PCDHAC2: variants seen among roughly 807,000 people sequenced by gnomAD.
The protein encoded by PCDHAC2 is protocadherin alpha subfamily C, 2.
In PCDHAC2, 24 loss-of-function variants were observed where a neutral mutation model predicts 63.3. That is an observed-to-expected ratio of 0.38 (90% CI 0.27 to 0.53). PCDHAC2 has a LOEUF of 0.53. Among genes scored for constraint, PCDHAC2 ranks in the 20% least tolerant of loss-of-function variants. The pLI is 0.81. For missense variants in PCDHAC2, 1,181 were observed against 1,275.2 expected, an observed-to-expected ratio of 0.93 and a Z score of 1.12; for synonymous variants, 569 against 529.4, an observed-to-expected ratio of 1.07 and a Z score of -1.03.
rs782199698 is a variant in PCDHAC2 at position 140,967,107 on chromosome 5, G to A, written c.341G>A (p.Arg114Gln). The change falls in exon 1 of 4, where the codon CGG becomes CAG. Residue 114 changes from arginine to glutamine, a missense_variant. Coordinates refer to ENST00000289269, the MANE Select transcript of PCDHAC2 (RefSeq NM_018899.6). ...RIDREALCEQ[R>Q]PRCLLSLEVL... ...GATCGGGAGGCGCTGTGTGAGCAGC[G>A]GCCTCGCTGCCTGCTCAGCTTGGAA... The A allele has an allele frequency of 7.4e-6, 12 of 1,612,876 alleles. No individual in the cohort carries two copies. The highest frequency in any genetic ancestry group is 9.3e-6 in the Non-Finnish European group (11 of 1,179,528).
At position 140,967,164 on chromosome 5, in the gene PCDHAC2, C is replaced by G. The variant is rs762120187; in HGVS notation, c.398C>G (p.Ala133Gly). The G allele has an allele frequency of 8.7e-6, 14 of 1,611,226 alleles. No homozygotes were observed. Among genetic ancestry groups the G allele is most frequent in the Non-Finnish European group, 1.2e-5 (14 of 1,178,096 alleles). Reference sequence around the variant, plus strand: ...GCGCACAACCCCGTGGCGGTGAGCGCCGTTGAGGTGGAAATATTGGACATC... The same window carrying G: ...GCGCACAACCCCGTGGCGGTGAGCGGCGTTGAGGTGGAAATATTGGACATC... ...VLAHNPVAVS[A>G]VEVEILDIND... is the part of the protein sequence containing the mutation. Residue 133 changes from alanine (A) to glycine (G), a missense_variant, in exon 1 of 4, where the codon GCC becomes GGC. By Grantham distance (60) the Ala-to-Gly change is moderately conservative. This residue lies in a region of PCDHAC2 where 210 missense variants were observed against 184.9 expected (regional missense o/e 1.14). Transcript: ENST00000289269.
intron 3 of PCDHAC2, chr5:140,988,965 TG>T (rs1227130828): frequency 6.6e-6 from 1 of 152,162 alleles, no homozygotes; most frequent in Non-Finnish European, 1.5e-5. Context: ...AGCCCCACGA[TG>T]GAGAGAAGCA....
In PCDHAC2 at chr5:140,967,749, C is replaced by G. The variant is rs1554229896; in HGVS notation, c.983C>G (p.Ala328Gly). The G allele has an allele frequency of 6.2e-7, 1 of 1,614,172 alleles. No individual in the cohort carries two copies. The highest frequency in any genetic ancestry group is 8.5e-7 in the Non-Finnish European group (1 of 1,180,040). ...ATTGGGGGGCTGGATTATGAGGAAG[C>G]CTCCTCCTACCAGATCTATGTGCAG... The part of the protein sequence containing the change: ...RVIGGLDYEE[A>G]SSYQIYVQAT... Residue 328 changes from alanine to glycine, a missense_variant, in exon 1 of 4, where the codon GCC (alanine) becomes GGC (glycine). Around this residue, in one of 3 missense-constraint regions of PCDHAC2, gnomAD observed 968 missense variants for 1,073.5 expected, o/e 0.90. Transcript: ENST00000289269.
At chr5:140,994,248 G>A (rs188394827) in intron 3 of PCDHAC2, among the ~76,000 whole-genome samples, 1 of 152,238 alleles carries the variant, frequency 6.6e-6, no homozygotes, top group East Asian at 1.9e-4. Flanking sequence ...TCAAACCCTA[G>A]GTAAATAAGG....
rs529079699 is a variant in PCDHAC2, at chr5:140,984,687, T to C, written c.2713+2124T>C. ...TTAGGTTTTTAGGACTCAATATATGTTCTGCACTGCTTGGAGGGAATATGG... is the reference window on the plus strand; with the variant it reads ...TTAGGTTTTTAGGACTCAATATATGCTCTGCACTGCTTGGAGGGAATATGG... On this transcript the variant is annotated intron_variant, in intron 3 of 3. Transcript: ENST00000289269. Among the ~76,000 whole-genome samples the C allele has an allele frequency of 2.0e-5, 3 of 152,332 alleles. No individual in the cohort carries two copies. The East Asian group carries it at 5.8e-4, about 29-fold the overall frequency.
intron 1 of PCDHAC2, among the ~76,000 whole-genome samples, chr5:140,971,036 G>A (rs919714179): frequency 2.0e-5 from 3 of 152,204 alleles, no homozygotes; most frequent in Non-Finnish European, 2.9e-5. Context: ...TTGAAAGCAC[G>A]TAAAAGGGTT....
chr5:141,006,979 G>T (rs1236461454), intron 3 of PCDHAC2, among the ~76,000 whole-genome samples: 1 of 152,156 alleles, frequency 6.6e-6, no homozygotes, highest in Non-Finnish European at 1.5e-5. Context: ...ACAGAGAGAT[G>T]TGGGCTTAAA....
At chr5:140,998,094 GCAAA>G (rs1182835904) in intron 3 of PCDHAC2, among the ~76,000 whole-genome samples, 7 of 152,226 alleles carry the variant, frequency 4.6e-5, no homozygotes, top group African/African-American at 1.4e-4. Flanking sequence ...AAATGCTAGA[GCAAA>G]CAGAGGAGAA....
intron 3 of PCDHAC2, among the ~76,000 whole-genome samples, chr5:140,997,668 T>TTG (rs35184029): frequency 0.084 from 12,442 of 148,286 alleles, 534 homozygotes; most frequent in Admixed American, 0.1. Flanking sequence ...ATTATACAGC[T>TTG]TGTGTGTGTG....
intron 3 of PCDHAC2, among the ~76,000 whole-genome samples, chr5:141,002,289 G>A (rs1468757497): frequency 1.3e-5 from 2 of 152,204 alleles, no homozygotes; most frequent in East Asian, 3.8e-4. Flanking sequence ...GGATGAATGG[G>A]GAGCAAAGGG....
At chr5:141,006,105 G>GT (rs79904017) in intron 3 of PCDHAC2, among the ~76,000 whole-genome samples, 4,283 of 143,138 alleles carry the variant, frequency 0.03, 125 homozygotes, top group African/African-American at 0.081. Flanking sequence ...ATGGTAAGGA[G>GT]TTTTTTTTTT....
At chr5:140,987,322 T>G (rs1160600975) in intron 3 of PCDHAC2, among the ~76,000 whole-genome samples, 3 of 152,200 alleles carry the variant, frequency 2.0e-5, no homozygotes, top group Non-Finnish European at 4.4e-5. Flanking sequence ...CTGTGAAGTT[T>G]TAAGAACTGG....
At chr5:140,982,348 T>A (rs1253085859) in intron 2 of PCDHAC2, 127 bp from the exon 3 acceptor site, 1 of 1,496,080 alleles carries the variant, frequency 6.7e-7, no homozygotes, top group East Asian at 2.4e-5. Flanking sequence ...TTGCTTCAGT[T>A]CAAGCATGAG....
Position 140,982,524 on chromosome 5 carries a change from C to T in PCDHAC2, c.2674C>T (p.Pro892Ser). ...CATTCTACGGGCTGGTCCAGGAGGG[C>T]CTGATCAGCAGTGGCCAACAGTATC... ...AGILRAGPGG[P>S]DQQWPTVSSA... Residue 892 changes from proline to serine, a missense_variant, in exon 3 of 4, where the codon CCT (proline) becomes TCT (serine). This residue lies in a region of PCDHAC2 where 968 missense variants were observed against 1,073.5 expected (regional missense o/e 0.90). Transcript: ENST00000289269. The T allele has an allele frequency of 6.2e-7, 1 of 1,614,170 alleles. No homozygotes were observed. Among genetic ancestry groups the T allele is most frequent in the Non-Finnish European group, 8.5e-7 (1 of 1,180,030 alleles).
chr5:141,006,105 G>T (rs2098255059), intron 3 of PCDHAC2, among the ~76,000 whole-genome samples: 1 of 143,364 alleles, frequency 7.0e-6, no homozygotes. Context: ...ATGGTAAGGA[G>T]TTTTTTTTTT....
In PCDHAC2 at chr5:140,982,326, G is replaced by T. The variant is rs1369721700; in HGVS notation, c.2625-149G>T. 1.6e-5 allele frequency: 22 copies of T among 1,411,958 alleles called. No homozygotes were observed. In the Admixed American group the frequency reaches 3.0e-4, roughly 20 times the overall value. The allele number at this position is 1,411,958 out of a possible 1,614,324, so 87.5% of individuals were successfully genotyped here. On this transcript the variant is annotated intron_variant, in intron 2 of 3. Transcript: ENST00000289269. ...CTTCTGCAGTTTATGCAGGGTGACTGCTCAGCAGTAATTGCTTCAGTTCAA... is the reference window on the plus strand; with the variant it reads ...CTTCTGCAGTTTATGCAGGGTGACTTCTCAGCAGTAATTGCTTCAGTTCAA...
chr5:140,984,140 A>G (rs2097088641), intron 3 of PCDHAC2, among the ~76,000 whole-genome samples: 1 of 152,240 alleles, frequency 6.6e-6, no homozygotes, highest in Non-Finnish European at 1.5e-5. Context: ...ATGTGGAGGC[A>G]TCTGGGAAGG....
At chr5:140,983,642 G>A (rs954814692) in intron 3 of PCDHAC2, among the ~76,000 whole-genome samples, 3 of 152,174 alleles carry the variant, frequency 2.0e-5, no homozygotes, top group African/African-American at 7.2e-5. Flanking sequence ...CCAAGTTCAC[G>A]TAGCTTGTAA....
At chr5:140,987,722 T>C (rs2097265966) in intron 3 of PCDHAC2, among the ~76,000 whole-genome samples, 1 of 152,204 alleles carries the variant, frequency 6.6e-6, no homozygotes, top group Admixed American at 6.5e-5. Context: ...GAGTCTATCC[T>C]ACAGCTTCAA....
Sources: allele counts gnomAD v4.1 joint callset (sites outside exome capture counted in the v4.1 genomes callset), GRCh38; gene constraint gnomAD v4.1.1; regional missense constraint gnomAD v4.1.1; transcripts MANE v1.5; gene names NCBI Gene and HGNC (gene_info 2026-07-23, HGNC 2026-07-21).